Variants in MED23 observed in about 807,000 individuals in gnomAD.
MED23 encodes mediator complex subunit 23, also known as mediator of RNA polymerase II transcription subunit 23.
In MED23, 105 loss-of-function variants were observed where a neutral mutation model predicts 163.9. That is an observed-to-expected ratio of 0.64 (90% CI 0.55 to 0.75). The LOEUF is 0.75. Ranked by LOEUF, MED23 falls within the 30% of genes least tolerant of loss-of-function variation. The pLI is 0.00. For synonymous variants in MED23, 561 were observed against 565.6 expected, an observed-to-expected ratio of 0.99 and a Z score of 0.12; for missense variants, 1,054 against 1,649.0, an observed-to-expected ratio of 0.64 and a Z score of 6.25.
chr6:131,618,272 GATAAACT>G (rs1776835940), intron 9 of MED23, 128 bp downstream of exon 9: 4 of 734,150 alleles, frequency 5.4e-6, no homozygotes, highest in Non-Finnish European at 9.6e-6. Flanking sequence ...AGAATAACAT[GATAAACT>G]ATAAACTATC....
chr6:131,586,395 G>A (rs750618248), downstream of MED23, among the ~76,000 whole-genome samples: 15 of 144,438 alleles, frequency 1.0e-4, no homozygotes, highest in East Asian at 4.0e-4. Flanking sequence ...ACGAGACTCC[G>A]TCTCAAAAAA....
chr6:131,597,329 A>G (rs537844129), intron 20 of MED23, among the ~76,000 whole-genome samples: 1 of 152,086 alleles, frequency 6.6e-6, no homozygotes, highest in South Asian at 2.1e-4. Context: ...ACAAAAAATT[A>G]GCCGGGTGTG....
intron 30 of MED23, among the ~76,000 whole-genome samples, chr6:131,577,904 CAAAAAAA>C (rs574140142): frequency 4.0e-5 from 3 of 74,992 alleles, no homozygotes; most frequent in East Asian, 7.9e-4. Flanking sequence ...ACTCCATCTC[CAAAAAAA>C]AAAAAAAAAG....
chr6:131,625,477 A>C (rs1777417031), intron 3 of MED23, among the ~76,000 whole-genome samples: 1 of 152,166 alleles, frequency 6.6e-6, no homozygotes, highest in African/African-American at 2.4e-5. Context: ...AGACTGGCAA[A>C]ACTTTAAATA....
Position 131,624,800 on chromosome 6 carries a change from C to T in MED23, c.284+65G>A. 3.2e-6 allele frequency: 5 copies of T among 1,575,086 alleles called. No individual in the cohort carries two copies. The South Asian group carries it at 4.4e-5, about 14-fold the overall frequency. ...TCTTACCTTTTTACAACAACAACCTCAACCAATTTCCAATCACATATAGAA... is the reference window on the plus strand; with the variant it reads ...TCTTACCTTTTTACAACAACAACCTTAACCAATTTCCAATCACATATAGAA... On this transcript the variant is annotated intron_variant, in intron 4 of 28. Coordinates refer to ENST00000368068, the MANE Select transcript of MED23 (RefSeq NM_004830.4).
Position 131,598,100 on chromosome 6 carries a change from C to G in MED23, c.2607+187G>C. The G allele has an allele frequency of 1.4e-6, 1 of 694,402 alleles. No individual in the cohort carries two copies. The highest frequency in any genetic ancestry group is 2.4e-6 in the Non-Finnish European group (1 of 409,182). 43.0% of individuals were successfully genotyped at this position (694,402 alleles called of 1,614,324 possible). A position where few individuals can be genotyped will look rare whatever the true frequency, so the allele number is the denominator to read the frequency against. The stretch of plus-strand genomic sequence containing the variant: ...GCGAGACCCTGTCTCAAAAAACAAA[C>G]AAAAAAACAAAAACAAACAAAAACA... On this transcript the variant is annotated intron_variant, in intron 20 of 28. Coordinates refer to ENST00000368068, the MANE Select transcript of MED23 (RefSeq NM_004830.4). The surrounding 1 kb of genome is among the most constrained non-coding windows in gnomAD (Gnocchi z 4.7).
Position 131,619,891 on chromosome 6 carries a change from A to G in MED23, c.603T>C (p.Leu201=), listed in dbSNP as rs767764477. 2 of 1,607,208 alleles carry G rather than the reference A, an allele frequency of 1.2e-6. No homozygotes were observed. The highest frequency in any genetic ancestry group is 1.7e-6 in the Non-Finnish European group (2 of 1,174,448). ...CCACAAAGTCTGATACTAGGTTTCC[A>G]AGTAACTAAAGAGAGAAAGAAAGAG... The part of the protein sequence containing the change: ...YPEGKLPHWL[L]GNLVSDFVDT... Residue 201 remains leucine, a synonymous_variant, in exon 8 of 29, where the codon CTT becomes CTC. Transcript: ENST00000368068.
chr6:131,574,070 T>G, exon 31 of MED23: 1 of 603,618 alleles, frequency 1.7e-6, no homozygotes, highest in Non-Finnish European at 3.0e-6. Flanking sequence ...TACACTTTTT[T>G]TTCTGCCTGG....
chr6:131,581,436 G>T lies in MED23; in HGVS notation c.4095+6273C>A, dbSNP rs573609269. The T allele has an allele frequency of 5.2e-6, 8 of 1,532,362 alleles. No homozygotes were observed. In the African/African-American group the frequency reaches 8.2e-5, roughly 16 times the overall value. 94.9% of individuals were successfully genotyped at this position (1,532,362 alleles called of 1,614,324 possible). A position where few individuals can be genotyped will look rare whatever the true frequency, so the allele number is the denominator to read the frequency against. On this transcript the variant is annotated intron_variant, in intron 30 of 30. Coordinates refer to the MED23 transcript ENST00000354577. ...AATACTTTTTAGTAGACATTCAGGAGGTGGAAGGGAAATGAGAAACTCCAT... is the reference window on the plus strand; with the variant it reads ...AATACTTTTTAGTAGACATTCAGGATGTGGAAGGGAAATGAGAAACTCCAT...
chr6:131,600,271 G>GCATT, intron 17 of MED23, 109 bp from the exon 18 acceptor site: 1 of 1,069,478 alleles, frequency 9.4e-7, no homozygotes, highest in Non-Finnish European at 1.4e-6. Flanking sequence ...TCACTGCAGT[G>GCATT]CATTCACTGC....
intron 13 of MED23, 91 bp from the exon 14 acceptor site, chr6:131,605,576 T>C: frequency 8.8e-7 from 1 of 1,134,570 alleles, no homozygotes; most frequent in Non-Finnish European, 1.2e-6. Context: ...TTTATGCAAT[T>C]ATTTATTAAT....
At chr6:131,583,054 T>G, downstream of MED23, 2 of 1,602,060 alleles carry the variant, frequency 1.2e-6, no homozygotes, top group Admixed American at 3.3e-5. Flanking sequence ...AATTTCTCTT[T>G]TATAGCTACA....
chr6:131,627,265 A>AT (rs1777569970), intron 3 of MED23, 131 bp downstream of exon 3: 1 of 747,196 alleles, frequency 1.3e-6, no homozygotes, highest in South Asian at 1.6e-5. Context: ...ATAAAAAATG[A>AT]TAACAATTTT....
At chr6:131,608,435 T>A (rs1776017894) in intron 11 of MED23, among the ~76,000 whole-genome samples, 1 of 152,092 alleles carries the variant, frequency 6.6e-6, no homozygotes, top group Non-Finnish European at 1.5e-5. Flanking sequence ...ATTTTAAAAA[T>A]CTCATCAAAA....
chr6:131,607,130 T>A (rs1775909802), intron 12 of MED23, among the ~76,000 whole-genome samples: 1 of 151,914 alleles, frequency 6.6e-6, no homozygotes, highest in African/African-American at 2.4e-5. Context: ...TTGAAAATTG[T>A]CCAACATTAA....
chr6:131,607,388 T>C (rs1186640533), intron 12 of MED23, among the ~76,000 whole-genome samples: 2 of 151,896 alleles, frequency 1.3e-5, no homozygotes, highest in Non-Finnish European at 2.9e-5. Flanking sequence ...CTACCAAAAA[T>C]ACAAAAATTA....
Position 131,598,461 on chromosome 6 carries a change from T to C in MED23, c.2433A>G (p.Leu811=), listed in dbSNP as rs1357634276. ...CCAAGGCCCTGGCTCCAATTCTCTC[T>C]AATACTCTGGAAGGCAGAGAGTAAA... ...DHINQIGYRV[L]ERIGARALVA... Residue 811 remains leucine (L), a synonymous_variant, in exon 20 of 29, where the codon TTA becomes TTG. Transcript: ENST00000368068. This position sits in a 1 kb window ranked among gnomAD's most constrained non-coding sequence, Gnocchi z 4.7. 5 of 1,614,060 alleles carry C rather than the reference T, an allele frequency of 3.1e-6. No homozygotes were observed. The highest frequency in any genetic ancestry group is 1.3e-5 in the African/African-American group (1 of 74,950).
At chr6:131,590,205 T>A in intron 27 of MED23, 117 bp downstream of exon 27, 5 of 967,714 alleles carry the variant, frequency 5.2e-6, no homozygotes, top group Non-Finnish European at 8.1e-6. Context: ...TTGGATCCTG[T>A]TAAACTAGTT....
intron 30 of MED23, chr6:131,581,080 G>C: frequency 1.3e-6 from 1 of 785,442 alleles, no homozygotes; most frequent in Non-Finnish European, 2.2e-6. Context: ...TAACTAATTG[G>C]CATCTCCAAT....
Sources: gnomAD v4.1 joint callset for allele counts (sites outside exome capture counted in the v4.1 genomes callset) on GRCh38, gnomAD v4.1.1 for gene constraint, Gnocchi (gnomAD v3.1) non-coding constraint, MANE v1.5 for transcripts, NCBI Gene and HGNC (gene_info 2026-07-23, HGNC 2026-07-21) for gene names.